Variants in KCNK1 observed in about 807,000 individuals in gnomAD.
KCNK1 encodes potassium two pore domain channel subfamily K member 1.
In KCNK1, 10 loss-of-function variants were observed where a neutral mutation model predicts 22.2. The observed-to-expected ratio is 0.45, with a 90% CI of 0.28 to 0.76. The LOEUF is 0.76. Among genes scored for constraint, KCNK1 ranks in the 30% least tolerant of loss-of-function variants. The pLI, the probability that KCNK1 is intolerant of heterozygous loss-of-function variation, is 0.14. For synonymous variants in KCNK1, 200 were observed against 186.4 expected, an observed-to-expected ratio of 1.07 and a Z score of -0.60; for missense variants, 378 against 421.0, an observed-to-expected ratio of 0.90 and a Z score of 0.89.
chr1:233,631,558 T>A (rs1054691292), intron 1 of KCNK1: 1 of 320,652 alleles, frequency 3.1e-6, no homozygotes. Context: ...AACAGCCTTC[T>A]AAGAGTGCAC....
intron 1 of KCNK1, among the ~76,000 whole-genome samples, chr1:233,622,836 A>G (rs1355489878): frequency 1.3e-5 from 2 of 152,204 alleles, no homozygotes; most frequent in Non-Finnish European, 1.5e-5. Flanking sequence ...TAGGTTAGAC[A>G]TGGGAGTGTT....
chr1:233,623,623 C>T (rs950565837), intron 1 of KCNK1, among the ~76,000 whole-genome samples: 1 of 152,222 alleles, frequency 6.6e-6, no homozygotes, highest in Non-Finnish European at 1.5e-5. Context: ...GAGTCTCGCT[C>T]TGTCACCCAG....
chr1:233,655,137 G>A (rs1041406060), intron 1 of KCNK1, among the ~76,000 whole-genome samples: 1 of 152,354 alleles, frequency 6.6e-6, no homozygotes, highest in African/African-American at 2.4e-5. Context: ...GGGGGACAGA[G>A]CATTGAGCCA....
chr1:233,631,436 C>A, intron 1 of KCNK1: 1 of 393,800 alleles, frequency 2.5e-6, no homozygotes. Flanking sequence ...AGCTCAAAAG[C>A]AGAAAATGTT....
chr1:233,636,024 C>T (rs549293450), intron 1 of KCNK1, among the ~76,000 whole-genome samples: 4 of 152,266 alleles, frequency 2.6e-5, no homozygotes, highest in Non-Finnish European at 5.9e-5. Flanking sequence ...CGGGCAGCCA[C>T]GTGCAAAGGC....
intron 2 of KCNK1, among the ~76,000 whole-genome samples, chr1:233,667,755 C>T (rs1354832133): frequency 8.2e-6 from 1 of 122,604 alleles, no homozygotes; most frequent in African/African-American, 2.9e-5. Context: ...AAAAAAAATA[C>T]ATCATACAGA....
At chr1:233,664,049 C>G (rs1352592901) in intron 1 of KCNK1, among the ~76,000 whole-genome samples, 1 of 152,126 alleles carries the variant, frequency 6.6e-6, no homozygotes, top group Non-Finnish European at 1.5e-5. Flanking sequence ...CCAGGCTAGT[C>G]TCAAACTCCT....
intron 1 of KCNK1, 31 bp from the exon 2 acceptor site, chr1:233,666,564 C>T: frequency 6.4e-7 from 1 of 1,562,728 alleles, no homozygotes; most frequent in East Asian, 2.3e-5. Flanking sequence ...GTCTCTTCCT[C>T]TTCGCCTCAG....
intron 1 of KCNK1, among the ~76,000 whole-genome samples, chr1:233,618,018 T>C (rs944907135): frequency 3.3e-5 from 5 of 152,224 alleles, no homozygotes; most frequent in African/African-American, 1.2e-4. Context: ...TTCAGATTTT[T>C]CTTGGAATCT....
intron 2 of KCNK1, among the ~76,000 whole-genome samples, chr1:233,669,617 G>T (rs1658561813): frequency 6.6e-6 from 1 of 152,174 alleles, no homozygotes; most frequent in Non-Finnish European, 1.5e-5. Flanking sequence ...GGAGACGAAG[G>T]CAGGCAGATC....
rs778495840 is a variant in KCNK1 at position 233,671,254 on chromosome 1, T to A, written c.752-17T>A. On this transcript the variant is annotated splice_polypyrimidine_tract_variant and intron_variant, in intron 2 of 2. Transcript: ENST00000366621. ...ATGTTGAGATCACACTAAGACAGTG[T>A]CCTGTTTCTCACACAGGTTACCTGC... is the stretch of plus-strand genomic sequence containing the variant. 6.2e-7 allele frequency: 1 copy of A among 1,612,962 alleles called. No individual in the cohort carries two copies. The highest frequency in any genetic ancestry group is 8.5e-7 in the Non-Finnish European group (1 of 1,179,012).
At chr1:233,667,729 CAAAA>C (rs71170433) in intron 2 of KCNK1, among the ~76,000 whole-genome samples, 4 of 86,094 alleles carry the variant, frequency 4.6e-5, no homozygotes, top group East Asian at 3.6e-4. Flanking sequence ...GACTCCGTCT[CAAAA>C]AAAAAAAAAA....
intron 1 of KCNK1, among the ~76,000 whole-genome samples, chr1:233,649,212 A>G (rs1024785295): frequency 6.6e-6 from 1 of 152,226 alleles, no homozygotes; most frequent in Non-Finnish European, 1.5e-5. Context: ...TCTCAGTAAG[A>G]ATCTACTCCT....
intron 1 of KCNK1, among the ~76,000 whole-genome samples, chr1:233,617,134 C>T (rs1475331819): frequency 6.6e-6 from 1 of 151,826 alleles, no homozygotes; most frequent in Non-Finnish European, 1.5e-5. Flanking sequence ...TACAGTCAAT[C>T]CTTGACTTAT....
intron 1 of KCNK1, among the ~76,000 whole-genome samples, chr1:233,655,484 A>C (rs1658275610): frequency 6.6e-6 from 1 of 152,160 alleles, no homozygotes; most frequent in African/African-American, 2.4e-5. Context: ...GCGTGTGAGA[A>C]GGACATGAAA....
chr1:233,662,271 T>TCTTCTTCTTCTTCTTCTC (rs1553267164), intron 1 of KCNK1, among the ~76,000 whole-genome samples: 3 of 67,180 alleles, frequency 4.5e-5, no homozygotes, highest in African/African-American at 1.2e-4. Flanking sequence ...TTCTTCTTCT[T>TCTTCTTCTTCTTCTTCTC]CTCCTCCTCC....
intron 1 of KCNK1, chr1:233,631,143 T>C (rs1344699510): frequency 2.4e-6 from 1 of 423,130 alleles, no homozygotes; most frequent in Non-Finnish European, 5.0e-6. Flanking sequence ...CATCTCTGGC[T>C]CTCAGAATTG....
In KCNK1 at chr1:233,614,330, C is replaced by T; in HGVS notation, c.159C>T (p.Arg53=). 2 of 1,611,934 alleles carry T rather than the reference C, an allele frequency of 1.2e-6. No homozygotes were observed. Among genetic ancestry groups the T allele is most frequent in the Non-Finnish European group, 1.7e-6 (2 of 1,179,144 alleles). ...AGCTGCCCTATGAGGACCTGCTGCG[C>T]CAGGAGCTGCGCAAGCTGAAGCGAC... ...SVELPYEDLL[R]QELRKLKRRF... The change falls in exon 1 of 3, where the codon CGC becomes CGT. Residue 53 remains arginine, a synonymous_variant. Coordinates refer to ENST00000366621, the MANE Select transcript of KCNK1 (RefSeq NM_002245.4).
At chr1:233,664,965 T>C (rs1183191510) in intron 1 of KCNK1, among the ~76,000 whole-genome samples, 1 of 152,214 alleles carries the variant, frequency 6.6e-6, no homozygotes, top group African/African-American at 2.4e-5. Flanking sequence ...TCTTTTAAGA[T>C]GAAGTGCTCA....
Sources: gnomAD v4.1 joint callset for allele counts (sites outside exome capture counted in the v4.1 genomes callset) on GRCh38, gnomAD v4.1.1 for gene constraint, MANE v1.5 for transcripts, NCBI Gene and HGNC (gene_info 2026-07-23, HGNC 2026-07-21) for gene names.